Variants in NUCKS1 observed in about 807,000 individuals in gnomAD.
The protein encoded by NUCKS1 is nuclear casein kinase and cyclin dependent kinase substrate 1, also known as nuclear ubiquitous casein and cyclin-dependent kinase substrate 1.
In NUCKS1, 2 loss-of-function variants were observed where a neutral mutation model predicts 33.0. That is an observed-to-expected ratio of 0.06 (90% CI 0.02 to 0.19). NUCKS1 has a LOEUF of 0.19. Among genes scored for constraint, NUCKS1 ranks in the 10% least tolerant of loss-of-function variants. The pLI is 1.00. For missense variants in NUCKS1, 201 were observed against 293.6 expected (o/e 0.68, Z 2.31); for synonymous variants, 106 against 102.8 (o/e 1.03, Z -0.19).
intron 1 of NUCKS1, among the ~76,000 whole-genome samples, chr1:205,735,751 TTACTTA>T (rs1277391706): frequency 6.6e-6 from 1 of 152,246 alleles, no homozygotes; most frequent in African/African-American, 2.4e-5. Flanking sequence ...ACAGCTATTA[TTACTTA>T]TAAGTATTAA....
intron 2 of NUCKS1, among the ~76,000 whole-genome samples, 161 bp from the exon 3 acceptor site, chr1:205,727,966 C>G (rs981867344): frequency 6.6e-6 from 1 of 152,138 alleles, no homozygotes; most frequent in Non-Finnish European, 1.5e-5. Context: ...TATTTCCCAA[C>G]GCAGTCCTAT....
rs144409983 is a variant in NUCKS1 at position 205,732,407 on chromosome 1, G to A, written c.18-2786C>T. Among the ~76,000 whole-genome samples, 6 of 152,202 alleles carry A rather than the reference G, an allele frequency of 3.9e-5. No individual in the cohort carries two copies. The East Asian group carries it at 1.2e-3, about 29-fold the overall frequency. ...TGGGGATGAGGAGCTGTTGTTTAGT[G>A]GGTTTAGTTTCAGTTTTGCAAGATT... On this transcript the variant is annotated intron_variant, in intron 1 of 6. Coordinates refer to ENST00000367142, the MANE Select transcript of NUCKS1 (RefSeq NM_022731.5).
intron 1 of NUCKS1, among the ~76,000 whole-genome samples, chr1:205,729,850 T>C (rs1320018669): frequency 6.6e-6 from 1 of 151,920 alleles, no homozygotes; most frequent in Admixed American, 6.6e-5. Context: ...AGAGAAACCT[T>C]GTCTCTACTA....
At chr1:205,749,338 G>GA (rs908986434) in intron 1 of NUCKS1, among the ~76,000 whole-genome samples, 4 of 152,086 alleles carry the variant, frequency 2.6e-5, no homozygotes, top group African/African-American at 9.7e-5. Flanking sequence ...TGCCCGGGGG[G>GA]AAAAAAACGG....
intron 1 of NUCKS1, 143 bp downstream of exon 1, chr1:205,749,814 T>A: frequency 1.2e-6 from 1 of 838,904 alleles, no homozygotes; most frequent in Non-Finnish European, 1.8e-6. Flanking sequence ...CCCCCCACGC[T>A]CAAGGGTGCG....
intron 1 of NUCKS1, among the ~76,000 whole-genome samples, chr1:205,749,575 C>T (rs111472894): frequency 0.016 from 2,412 of 152,138 alleles, 70 homozygotes; most frequent in African/African-American, 0.055. Flanking sequence ...TCGAGTCCGC[C>T]CGCCTCCCCG....
Position 205,718,060 on chromosome 1 carries a change from C to T in NUCKS1, c.*220G>A. ...CCAATAGACAAAAAGGTAACTTAAA[C>T]ACTTACACATACAATGGTTTGCTTT... On this transcript the variant is annotated 3_prime_UTR_variant, in exon 7 of 7. Transcript: ENST00000367142. The T allele has an allele frequency of 9.0e-7, 1 of 1,114,628 alleles. No individual in the cohort carries two copies. Among genetic ancestry groups the T allele is most frequent in the Non-Finnish European group, 1.1e-6 (1 of 909,104 alleles). 69.0% of individuals were successfully genotyped at this position (1,114,628 alleles called of 1,614,324 possible). A position where few individuals can be genotyped will look rare whatever the true frequency, so the allele number is the denominator to read the frequency against.
intron 1 of NUCKS1, among the ~76,000 whole-genome samples, chr1:205,731,565 G>A (rs988280187): frequency 6.6e-6 from 1 of 152,108 alleles, no homozygotes; most frequent in African/African-American, 2.4e-5. Context: ...CACTGTTACT[G>A]TAGGCCTAAA....
chr1:205,744,883 C>CA lies in NUCKS1; in HGVS notation c.17+5073dup, dbSNP rs1225733752. Among the ~76,000 whole-genome samples, 7 of 152,242 alleles carry CA rather than the reference C, an allele frequency of 4.6e-5. No individual in the cohort carries two copies. The East Asian group carries it at 1.3e-3, about 29-fold the overall frequency. On this transcript the variant is annotated intron_variant, in intron 1 of 6. Coordinates refer to ENST00000367142, the MANE Select transcript of NUCKS1 (RefSeq NM_022731.5). ...CCGACCTTAGGTGATCTGCCCGCCT[C>CA]AGCCTCCCAAAGTGCTGGGATTACA...
chr1:205,724,359 A>G (rs370982662), intron 3 of NUCKS1, among the ~76,000 whole-genome samples: 1 of 152,230 alleles, frequency 6.6e-6, no homozygotes, highest in African/African-American at 2.4e-5. Context: ...AAGATCACTA[A>G]ATATACACAA....
intron 1 of NUCKS1, among the ~76,000 whole-genome samples, chr1:205,741,496 T>C (rs1654174956): frequency 6.6e-6 from 1 of 152,026 alleles, no homozygotes; most frequent in African/African-American, 2.4e-5. Flanking sequence ...GATGCGAAAT[T>C]ACTGAGTAGA....
At chr1:205,729,969 C>T (rs1457895690) in intron 1 of NUCKS1, among the ~76,000 whole-genome samples, 4 of 149,584 alleles carry the variant, frequency 2.7e-5, no homozygotes, top group Non-Finnish European at 5.9e-5. Context: ...TGTGGTGAGC[C>T]GAGATACCTC....
intron 4 of NUCKS1, among the ~76,000 whole-genome samples, chr1:205,721,833 C>A (rs1020978361): frequency 2.0e-5 from 3 of 151,978 alleles, no homozygotes; most frequent in Non-Finnish European, 4.4e-5. Flanking sequence ...CACCACCACT[C>A]CTGGCTAATT....
intron 1 of NUCKS1, among the ~76,000 whole-genome samples, chr1:205,737,091 C>G (rs761584669): frequency 3.0e-4 from 45 of 152,202 alleles, no homozygotes; most frequent in Admixed American, 5.9e-4. Context: ...TCCTCCATAC[C>G]ACCTTGGATT....
chr1:205,731,950 G>C (rs823110), intron 1 of NUCKS1, among the ~76,000 whole-genome samples: 49,202 of 151,750 alleles, frequency 0.32, 9,262 homozygotes, highest in Non-Finnish European at 0.42. Flanking sequence ...ACTTAAACCT[G>C]AGCAGAGGGA....
At chr1:205,719,864 T>C in intron 5 of NUCKS1, 188 bp from the exon 6 acceptor site, 3 of 562,050 alleles carry the variant, frequency 5.3e-6, no homozygotes, top group South Asian at 6.0e-5. Context: ...GGATTTTGCA[T>C]GCACCTTACA....
intron 1 of NUCKS1, among the ~76,000 whole-genome samples, chr1:205,744,649 T>TTTTTTTTTTTTG (rs1654269958): frequency 6.7e-6 from 1 of 148,320 alleles, no homozygotes. Context: ...TTTTTTTTTT[T>TTTTTTTTTTTTG]GAGACGGAGT....
At position 205,715,415 on chromosome 1, in the gene NUCKS1, A is replaced by T. The variant is rs1019625364; in HGVS notation, c.*2865T>A. On this transcript the variant is annotated 3_prime_UTR_variant, in exon 7 of 7. Coordinates refer to ENST00000367142, the MANE Select transcript of NUCKS1 (RefSeq NM_022731.5). ...GGAATCAATATGGAGTGGAAATATG[A>T]AATGAGGAGATGTTTTAGAAAGCAG... 2 of 152,234 alleles carry T rather than the reference A, an allele frequency of 1.3e-5. No homozygotes were observed. Among genetic ancestry groups the T allele is most frequent in the Non-Finnish European group, 2.9e-5 (2 of 68,044 alleles). 9.4% of individuals were successfully genotyped at this position (152,234 alleles called of 1,614,324 possible). A position where few individuals can be genotyped will look rare whatever the true frequency, so the allele number is the denominator to read the frequency against.
intron 1 of NUCKS1, among the ~76,000 whole-genome samples, chr1:205,739,987 T>C (rs187018568): frequency 2.8e-4 from 41 of 144,738 alleles, no homozygotes; most frequent in African/African-American, 8.8e-4. Flanking sequence ...CATCCTGCTA[T>C]TTACTTTAGG....
Sources: gnomAD v4.1 joint callset for allele counts (sites outside exome capture counted in the v4.1 genomes callset) on GRCh38, gnomAD v4.1.1 for gene constraint, MANE v1.5 for transcripts, NCBI Gene and HGNC (gene_info 2026-07-23, HGNC 2026-07-21) for gene names.